CCDC117: variants seen among roughly 807,000 people sequenced by gnomAD.
CCDC117 encodes the protein coiled-coil domain containing 117.
In CCDC117, 1 loss-of-function variant was observed where a neutral mutation model predicts 23.5. The ratio of observed to expected loss-of-function variants is 0.04; its 90% confidence interval spans 0.02 to 0.20. CCDC117 has a LOEUF of 0.20. Among genes scored for constraint, CCDC117 ranks in the 10% least tolerant of loss-of-function variants. The pLI is 1.00. For missense variants in CCDC117, 383 were observed against 348.2 expected (o/e 1.10, Z -0.80); for synonymous variants, 132 against 124.8 (o/e 1.06, Z -0.39).
chr22:28,784,398 A>G (rs1235961019), intron 4 of CCDC117, among the ~76,000 whole-genome samples: 4 of 152,256 alleles, frequency 2.6e-5, no homozygotes, highest in African/African-American at 4.8e-5. Flanking sequence ...ATTATTCACT[A>G]TGTAAAATAG....
rs1337814621 is a variant in CCDC117, at chr22:28,786,228, C to A, written c.742C>A (p.Gln248Lys). The change falls in exon 5 of 5, where the codon CAG (glutamine) becomes AAG (lysine). Residue 248 changes from glutamine to lysine, a missense_variant. Gln to Lys is a moderately conservative substitution (Grantham distance 53, BLOSUM62 1). Coordinates refer to ENST00000249064, the MANE Select transcript of CCDC117 (RefSeq NM_173510.4). Reference sequence around the variant, plus strand: ...TGTAGCTGCTGGCACTGCCTTCCCTCAGAGAACTGAACTGTTTTCGGAACC... The same window carrying A: ...TGTAGCTGCTGGCACTGCCTTCCCTAAGAGAACTGAACTGTTTTCGGAACC... ...KHVAAGTAFP[Q>K]RTELFSEPRP... 1 of 1,614,140 alleles carries A rather than the reference C, an allele frequency of 6.2e-7. No homozygotes were observed. Among genetic ancestry groups the A allele is most frequent in the Non-Finnish European group, 8.5e-7 (1 of 1,180,018 alleles).
In CCDC117 at chr22:28,787,549, C is replaced by G. The variant is rs1036776564; in HGVS notation, c.*1223C>G. 4 of 152,302 alleles carry G rather than the reference C, an allele frequency of 2.6e-5. No individual in the cohort carries two copies. The highest frequency in any genetic ancestry group is 4.8e-5 in the African/African-American group (2 of 41,416). 9.4% of individuals were successfully genotyped at this position (152,302 alleles called of 1,614,324 possible). On this transcript the variant is annotated 3_prime_UTR_variant, in exon 5 of 5. Transcript: ENST00000249064. ...ATAGCCAATTTGACTGGTGCTTAGA[C>G]TATTGTGCAGTAAACCTAAAAGGTA...
At chr22:28,781,218 A>G (rs758038981) in intron 3 of CCDC117, 46 bp downstream of exon 3, 8 of 1,125,330 alleles carry the variant, frequency 7.1e-6, no homozygotes, top group South Asian at 1.3e-5. Flanking sequence ...TTCTCTTGTA[A>G]TAACTCTGCT....
chr22:28,775,077 CA>C (rs1407033547), intron 2 of CCDC117, among the ~76,000 whole-genome samples: 2 of 152,086 alleles, frequency 1.3e-5, no homozygotes, highest in African/African-American at 4.8e-5. Context: ...GCTTGGCCAG[CA>C]TGGTGAAACC....
rs2031536197 is a variant in CCDC117 at position 28,787,116 on chromosome 22, T to C, written c.*790T>C. The stretch of plus-strand genomic sequence containing the variant: ...TGGGAGAAGCATCCTTTAGTTCATC[T>C]TAAGGAAGTGCTTTATCAGCTAAAC... On this transcript the variant is annotated 3_prime_UTR_variant, in exon 5 of 5. Transcript: ENST00000249064. The C allele has an allele frequency of 6.6e-6, 1 of 152,602 alleles. No individual in the cohort carries two copies. The highest frequency in any genetic ancestry group is 6.6e-5 in the Admixed American group (1 of 15,266). 9.5% of individuals were successfully genotyped at this position (152,602 alleles called of 1,614,324 possible).
rs2031018100 is a variant in CCDC117 at position 28,772,739 on chromosome 22, G to T, written c.-111G>T. On this transcript the variant is annotated 5_prime_UTR_variant, in exon 1 of 5. Transcript: ENST00000249064. ...GTTCTAGAAGGCGTGACGTGGGGTC[G>T]AGAGCGGGATCCGAGGCTGGCGGGT... The T allele has an allele frequency of 1.2e-6, 1 of 868,636 alleles. No individual in the cohort carries two copies. The highest frequency in any genetic ancestry group is 1.5e-6 in the Non-Finnish European group (1 of 665,546). 53.8% of individuals were successfully genotyped at this position (868,636 alleles called of 1,614,324 possible). A position where few individuals can be genotyped will look rare whatever the true frequency, so the allele number is the denominator to read the frequency against.
intron 2 of CCDC117, among the ~76,000 whole-genome samples, chr22:28,780,438 G>A (rs1314773278): frequency 6.6e-6 from 1 of 152,180 alleles, no homozygotes; most frequent in Non-Finnish European, 1.5e-5. Context: ...GTAGCAGTAT[G>A]ACTAAATATG....
rs2031530435 is a variant in CCDC117, at chr22:28,786,919, T to C, written c.*593T>C. The stretch of plus-strand genomic sequence containing the variant: ...CCGATAGTATTGTGGCTCTCCTCTT[T>C]GACTATGAAAATATAGAGAAAGTTT... On this transcript the variant is annotated 3_prime_UTR_variant, in exon 5 of 5. Transcript: ENST00000249064. 6.5e-6 allele frequency: 1 copy of C among 152,686 alleles called. No individual in the cohort carries two copies. The highest frequency in any genetic ancestry group is 2.1e-4 in the South Asian group (1 of 4,832). The allele number at this position is 152,686 out of a possible 1,614,324, so 9.5% of individuals were successfully genotyped here. A position where few individuals can be genotyped will look rare whatever the true frequency, so the allele number is the denominator to read the frequency against.
At chr22:28,776,863 C>T (rs762255662) in intron 2 of CCDC117, among the ~76,000 whole-genome samples, 17 of 151,300 alleles carry the variant, frequency 1.1e-4, no homozygotes, top group Non-Finnish European at 2.1e-4. Context: ...GGATTACAGG[C>T]GTGAGCCACC....
Position 28,772,820 on chromosome 22 carries a change from C to T in CCDC117, c.-30C>T, listed in dbSNP as rs1440371001. The T allele has an allele frequency of 1.6e-6, 2 of 1,221,002 alleles. No individual in the cohort carries two copies. Among genetic ancestry groups the T allele is most frequent in the Middle Eastern group, 3.2e-4 (1 of 3,162 alleles). The allele number at this position is 1,221,002 out of a possible 1,614,324, so 75.6% of individuals were successfully genotyped here. A position where few individuals can be genotyped will look rare whatever the true frequency, so the allele number is the denominator to read the frequency against. ...GCCTGGGGACGCGGGCGGCCGAGGC[C>T]GCCGTCGCAGCCTCCTCGTCTCGCC... On this transcript the variant is annotated 5_prime_UTR_variant, in exon 1 of 5. Transcript: ENST00000249064.
chr22:28,778,319 A>G (rs2031227768), intron 2 of CCDC117, among the ~76,000 whole-genome samples: 1 of 151,952 alleles, frequency 6.6e-6, no homozygotes, highest in Non-Finnish European at 1.5e-5. Context: ...TAATTTAAAA[A>G]TCACTAGGTC....
At chr22:28,777,484 A>G (rs538588524) in intron 2 of CCDC117, among the ~76,000 whole-genome samples, 4 of 152,036 alleles carry the variant, frequency 2.6e-5, no homozygotes, top group Admixed American at 6.6e-5. Flanking sequence ...TGTTAATTAT[A>G]AGTGATACTG....
At chr22:28,780,248 G>A (rs1279524298) in intron 2 of CCDC117, among the ~76,000 whole-genome samples, 1 of 152,138 alleles carries the variant, frequency 6.6e-6, no homozygotes, top group Non-Finnish European at 1.5e-5. Flanking sequence ...GGAGAAAATT[G>A]GACCCCACTA....
intron 2 of CCDC117, among the ~76,000 whole-genome samples, chr22:28,774,603 T>C (rs1478119864): frequency 1.3e-5 from 2 of 152,072 alleles, no homozygotes; most frequent in African/African-American, 2.4e-5. Context: ...CATGAACTTC[T>C]GGCCTCAAGC....
rs1158200592 is a variant in CCDC117 at position 28,787,911 on chromosome 22, T to A, written c.*1585T>A. 6.6e-6 allele frequency: 1 copy of A among 152,620 alleles called. No homozygotes were observed. The highest frequency in any genetic ancestry group is 1.5e-5 in the Non-Finnish European group (1 of 68,038). 9.5% of individuals were successfully genotyped at this position (152,620 alleles called of 1,614,324 possible). On this transcript the variant is annotated 3_prime_UTR_variant, in exon 5 of 5. Transcript: ENST00000249064. Reference sequence around the variant, plus strand: ...CTTATGCCACGTAAAGGTGAATTTTTAGAAACCACCTTCTAGGCGTTTTTG... The same window carrying A: ...CTTATGCCACGTAAAGGTGAATTTTAAGAAACCACCTTCTAGGCGTTTTTG...
chr22:28,783,540 A>G lies in CCDC117; in HGVS notation c.497A>G (p.Asp166Gly). 1 of 1,613,838 alleles carries G rather than the reference A, an allele frequency of 6.2e-7. No homozygotes were observed. Among genetic ancestry groups the G allele is most frequent in the Non-Finnish European group, 8.5e-7 (1 of 1,179,868 alleles). ...IIDEDEEVEADRNVNHLPSLV... is the reference protein window; with the variant it reads ...IIDEDEEVEAGRNVNHLPSLV... ...GATGAAGATGAAGAAGTTGAAGCTG[A>G]CAGAAATGTTAACCATCTCCCCAGT... The change falls in exon 4 of 5, where the codon GAC becomes GGC. Residue 166 changes from aspartate (D) to glycine (G), a missense_variant. Asp to Gly is a moderately conservative substitution (Grantham distance 94). Coordinates refer to ENST00000249064, the MANE Select transcript of CCDC117 (RefSeq NM_173510.4).
intron 1 of CCDC117, 104 bp downstream of exon 1, chr22:28,773,138 C>T (rs1353975793): frequency 3.0e-5 from 12 of 405,132 alleles, no homozygotes; most frequent in Non-Finnish European, 3.7e-5. Flanking sequence ...CGCGCCGGGG[C>T]TTTTTGACTC....
intron 4 of CCDC117, 23 bp from the exon 5 acceptor site, chr22:28,786,066 A>C (rs754865644): frequency 6.4e-7 from 1 of 1,553,684 alleles, no homozygotes; most frequent in South Asian, 1.2e-5. Flanking sequence ...TTTTTTGATA[A>C]AAGTCTGTAT....
intron 1 of CCDC117, 67 bp from the exon 2 acceptor site, chr22:28,773,658 A>C: frequency 2.3e-6 from 3 of 1,302,562 alleles, no homozygotes; most frequent in Non-Finnish European, 3.3e-6. Flanking sequence ...TGGAGCAAGA[A>C]AGAGGATACT....
Sources: gnomAD v4.1 joint callset for allele counts (sites outside exome capture counted in the v4.1 genomes callset) on GRCh38, gnomAD v4.1.1 for gene constraint, MANE v1.5 for transcripts, NCBI Gene and HGNC (gene_info 2026-07-23, HGNC 2026-07-21) for gene names.